The following DSE variants were observed in gnomAD, a reference collection of about 807,000 sequenced individuals.
DSE encodes dermatan sulfate epimerase.
DSE carries 36 observed loss-of-function variants against 84.4 expected under a neutral mutation model. That is an observed-to-expected ratio of 0.43 (90% CI 0.33 to 0.56). DSE has a LOEUF of 0.56. Ranked by LOEUF, DSE falls within the 20% of genes least tolerant of loss-of-function variation. DSE has a pLI of 0.06. For missense variants in DSE, 862 were observed against 1,169.6 expected (o/e 0.74, Z 3.84); for synonymous variants, 410 against 430.1 (o/e 0.95, Z 0.58).
intron 2 of DSE, among the ~76,000 whole-genome samples, chr6:116,259,755 C>T (rs908403802): frequency 1.3e-5 from 2 of 152,192 alleles, no homozygotes; most frequent in Non-Finnish European, 2.9e-5. Flanking sequence ...GTTTCCTGTT[C>T]CTGCTTTAGT....
At chr6:116,367,293 G>C (rs1779219587), upstream of DSE, 1 of 152,246 alleles carries the variant, frequency 6.6e-6, no homozygotes, top group Non-Finnish European at 1.5e-5. Flanking sequence ...GAAGATGAGA[G>C]AATCTATAGG....
chr6:116,420,443 C>T (rs1018913686), intron 2 of DSE, among the ~76,000 whole-genome samples: 19 of 152,288 alleles, frequency 1.2e-4, no homozygotes, highest in Admixed American at 8.5e-4. Flanking sequence ...CTCTCTCTCA[C>T]GCTTGCCTTA....
At chr6:116,402,952 A>G (rs1267617338) in intron 2 of DSE, among the ~76,000 whole-genome samples, 1 of 152,224 alleles carries the variant, frequency 6.6e-6, no homozygotes, top group Non-Finnish European at 1.5e-5. Context: ...GTTCACCTCT[A>G]TAGATTCACT....
Position 116,399,654 on chromosome 6 carries a change from C to T in DSE, c.404C>T (p.Ala135Val), listed in dbSNP as rs370430595. Residue 135 changes from alanine (A) to valine (V), a missense_variant, in exon 2 of 6, where the codon GCG (alanine) becomes GTG (valine). By Grantham distance (64) the Ala-to-Val change is moderately conservative (BLOSUM62 0). Coordinates refer to ENST00000644252, the MANE Select transcript of DSE (RefSeq NM_013352.4). ...MAKDYMERMA[A>V]QPSWLVKDAP... ...AAAGACTACATGGAGAGGATGGCAG[C>T]GCAGCCTAGTTGGTAGATTTTTGTC... The T allele has an allele frequency of 1.7e-5, 27 of 1,612,632 alleles. No individual in the cohort carries two copies. The highest frequency in any genetic ancestry group is 1.4e-4 in the South Asian group (13 of 90,962).
chr6:116,333,904 C>T (rs532941764), intron 2 of DSE, among the ~76,000 whole-genome samples: 1 of 152,040 alleles, frequency 6.6e-6, no homozygotes, highest in Non-Finnish European at 1.5e-5. Flanking sequence ...TCCAGGAGAT[C>T]GAGGCTGCAG....
chr6:116,271,771 G>C (rs1232520080), intron 2 of DSE, among the ~76,000 whole-genome samples: 1 of 152,248 alleles, frequency 6.6e-6, no homozygotes, highest in East Asian at 1.9e-4. Context: ...CCAAAAGACT[G>C]GAGATGGGCA....
Position 116,267,768 on chromosome 6 carries a change from A to T in DSE, c.-54+8801A>T, listed in dbSNP as rs147060643. 1.6e-3 allele frequency among the ~76,000 whole-genome samples: 238 copies of T among 152,268 alleles called. 1 individual carries two copies. Among genetic ancestry groups the T allele is most frequent in the African/African-American group, 5.4e-3 (225 of 41,546 alleles). ...AAGAAAAGAGGTTTAATTGACTGAC[A>T]GTTCCGTATGCCTGAGGAGCCCTCA... On this transcript the variant is annotated intron_variant, in intron 2 of 3. Transcript: ENST00000430252.
At chr6:116,315,497 T>A (rs1775919149) in intron 2 of DSE, among the ~76,000 whole-genome samples, 1 of 152,134 alleles carries the variant, frequency 6.6e-6, no homozygotes, top group African/African-American at 2.4e-5. Context: ...AAAATCGATG[T>A]TGAATGAATG....
chr6:116,418,715 C>A (rs1782883382), intron 2 of DSE, among the ~76,000 whole-genome samples: 2 of 152,156 alleles, frequency 1.3e-5, no homozygotes, highest in Admixed American at 6.5e-5. Flanking sequence ...GTTCTTATTG[C>A]AAACTTGGTG....
chr6:116,299,497 ATTAT>A (rs1212118757), intron 2 of DSE, among the ~76,000 whole-genome samples: 4 of 92,778 alleles, frequency 4.3e-5, no homozygotes, highest in Non-Finnish European at 8.5e-5. Context: ...GGCTTCTTGA[ATTAT>A]TTTTATATAT....
At chr6:116,353,724 C>T (rs1778441732) in intron 2 of DSE, among the ~76,000 whole-genome samples, 1 of 152,128 alleles carries the variant, frequency 6.6e-6, no homozygotes, top group African/African-American at 2.4e-5. Flanking sequence ...CTGTCTCCAA[C>T]CATTGGACAC....
chr6:116,399,827 T>G, intron 2 of DSE, 161 bp downstream of exon 2: 1 of 657,072 alleles, frequency 1.5e-6, no homozygotes, highest in East Asian at 2.8e-5. Context: ...GAATGGCCCT[T>G]AGTTTCAAAA....
chr6:116,413,559 G>A (rs1025072495), intron 2 of DSE, among the ~76,000 whole-genome samples: 5 of 152,116 alleles, frequency 3.3e-5, no homozygotes, highest in African/African-American at 9.7e-5. Flanking sequence ...TCAGGTTTCC[G>A]GGGCTGAATG....
chr6:116,288,962 G>T (rs902362156), intron 2 of DSE, among the ~76,000 whole-genome samples: 2 of 151,862 alleles, frequency 1.3e-5, no homozygotes, highest in Non-Finnish European at 2.9e-5. Flanking sequence ...TTTATAATTG[G>T]GAGTATATAA....
intron 1 of DSE, among the ~76,000 whole-genome samples, chr6:116,373,577 A>G (rs1316712102): frequency 6.6e-6 from 1 of 152,154 alleles, no homozygotes; most frequent in Non-Finnish European, 1.5e-5. Context: ...CTGCTTTAGT[A>G]TTTACGAAAT....
chr6:116,325,780 C>G (rs1302583030), intron 2 of DSE, among the ~76,000 whole-genome samples: 1 of 152,150 alleles, frequency 6.6e-6, no homozygotes, highest in Non-Finnish European at 1.5e-5. Context: ...AGACAAAACT[C>G]CTCAGACACC....
At chr6:116,259,723 A>G (rs763615901) in intron 2 of DSE, among the ~76,000 whole-genome samples, 12 of 152,184 alleles carry the variant, frequency 7.9e-5, no homozygotes, top group Admixed American at 2.0e-4. Flanking sequence ...GCTCCCACCT[A>G]TAAGAGAATT....
chr6:116,331,291 T>C (rs1776919738), intron 2 of DSE, among the ~76,000 whole-genome samples: 2 of 152,168 alleles, frequency 1.3e-5, no homozygotes, highest in African/African-American at 2.4e-5. Context: ...AGAGATTTAA[T>C]TGACTCACAG....
At chr6:116,333,464 G>C (rs572200608) in intron 2 of DSE, among the ~76,000 whole-genome samples, 4 of 152,300 alleles carry the variant, frequency 2.6e-5, no homozygotes, top group African/African-American at 4.8e-5. Flanking sequence ...CATGAAGAAA[G>C]TGCCCCCATG....
Sources: gnomAD v4.1 joint callset for allele counts (sites outside exome capture counted in the v4.1 genomes callset) on GRCh38, gnomAD v4.1.1 for gene constraint, MANE v1.5 for transcripts, NCBI Gene and HGNC (gene_info 2026-07-23, HGNC 2026-07-21) for gene names.